The following FAM163A variants were observed in gnomAD, a reference collection of about 807,000 sequenced individuals.
FAM163A encodes family with sequence similarity 163 member A.
A neutral mutation model predicts 12.0 loss-of-function variants in FAM163A; 7 were observed. That is an observed-to-expected ratio of 0.58 (90% CI 0.33 to 1.10). The LOEUF is 1.10. FAM163A is among the 50% of genes least tolerant of loss of function. FAM163A has a pLI of 0.03. For synonymous variants in FAM163A, 101 were observed against 91.0 expected, an observed-to-expected ratio of 1.11 and a Z score of -0.62; for missense variants, 202 against 218.6, an observed-to-expected ratio of 0.92 and a Z score of 0.48.
chr1:179,752,946 T>C (rs1366556395), intron 1 of FAM163A, among the ~76,000 whole-genome samples: 1 of 152,202 alleles, frequency 6.6e-6, no homozygotes, highest in East Asian at 1.9e-4. Context: ...CACTACTGGG[T>C]ATTTATCCAA....
chr1:179,758,591 C>T (rs1686359268), intron 1 of FAM163A, among the ~76,000 whole-genome samples: 1 of 152,228 alleles, frequency 6.6e-6, no homozygotes. Context: ...ACACAAAAAG[C>T]AGCTCCTTTC....
intron 1 of FAM163A, among the ~76,000 whole-genome samples, chr1:179,771,270 A>G (rs1194980408): frequency 6.6e-6 from 1 of 150,434 alleles, no homozygotes; most frequent in Non-Finnish European, 1.5e-5. Context: ...CTCCGCTGGC[A>G]GCCCCACCAG....
chr1:179,763,485 T>A (rs929563936), intron 1 of FAM163A, among the ~76,000 whole-genome samples: 2 of 152,202 alleles, frequency 1.3e-5, no homozygotes, highest in Admixed American at 6.5e-5. Flanking sequence ...AAACTTGTTG[T>A]GAGCAAAGGG....
chr1:179,771,591 A>G (rs1399672447), intron 1 of FAM163A, among the ~76,000 whole-genome samples: 1 of 151,616 alleles, frequency 6.6e-6, no homozygotes, highest in East Asian at 1.9e-4. Flanking sequence ...GCTTCCGTCT[A>G]CACCTGTGCT....
chr1:179,768,059 G>T (rs958474120), intron 1 of FAM163A, among the ~76,000 whole-genome samples: 10 of 152,184 alleles, frequency 6.6e-5, no homozygotes, highest in Non-Finnish European at 1.5e-4. Flanking sequence ...GTATGATTTT[G>T]AGTACTTTAG....
intron 1 of FAM163A, among the ~76,000 whole-genome samples, chr1:179,751,937 T>G (rs1330464008): frequency 6.6e-6 from 1 of 152,154 alleles, no homozygotes; most frequent in Non-Finnish European, 1.5e-5. Flanking sequence ...AACAGCATTT[T>G]TCACAGAAAT....
Position 179,814,247 on chromosome 1 carries a change from G to T in FAM163A, c.*58G>T. 6.5e-7 allele frequency: 1 copy of T among 1,529,472 alleles called. No individual in the cohort carries two copies. The highest frequency in any genetic ancestry group is 1.3e-5 in the South Asian group (1 of 78,068). The allele number at this position is 1,529,472 out of a possible 1,614,324, so 94.7% of individuals were successfully genotyped here. On this transcript the variant is annotated 3_prime_UTR_variant, in exon 5 of 5. Coordinates refer to ENST00000341785, the MANE Select transcript of FAM163A (RefSeq NM_173509.3). ...ACTGCTGCCCTGGCGGGGGCCATGG[G>T]GGTGATGAATGACCCTCCAACAGCC...
rs767508385 is a variant in FAM163A, at chr1:179,814,069, C to T, written c.384C>T (p.Tyr128=). 8 of 1,614,070 alleles carry T rather than the reference C, an allele frequency of 5.0e-6. No individual in the cohort carries two copies. The South Asian group carries it at 7.7e-5, about 16-fold the overall frequency. Residue 128 remains tyrosine, a synonymous_variant, in exon 5 of 5, where the codon TAC becomes TAT. Transcript: ENST00000341785. ...GGERLSFAPT[Y]YKEGGPPSLK... is the part of the protein sequence containing the mutation. ...AGAGGCTCTCCTTTGCTCCCACATA[C>T]TACAAAGAGGGGGGACCCCCATCCC...
At chr1:179,733,455 C>T in the FAM163A span, among the ~76,000 whole-genome samples, 1 of 151,878 alleles carries the variant, frequency 6.6e-6, no homozygotes, top group Admixed American at 6.6e-5. Flanking sequence ...ATTAGGGAGA[C>T]CAGGAAAGGG....
intron 1 of FAM163A, among the ~76,000 whole-genome samples, chr1:179,769,583 A>G (rs570429524): frequency 1.3e-5 from 2 of 152,356 alleles, no homozygotes; most frequent in South Asian, 4.1e-4. Context: ...GCTCTGGAAA[A>G]TAAAGTAACA....
At chr1:179,762,074 C>T (rs1686894684) in intron 1 of FAM163A, among the ~76,000 whole-genome samples, 1 of 152,086 alleles carries the variant, frequency 6.6e-6, no homozygotes, top group Non-Finnish European at 1.5e-5. Context: ...TGGAAAATGT[C>T]CCATTGATTT....
chr1:179,793,971 G>C (rs1026978141), intron 1 of FAM163A, among the ~76,000 whole-genome samples: 1 of 152,154 alleles, frequency 6.6e-6, no homozygotes, highest in African/African-American at 2.4e-5. Context: ...AAGAGGGCCT[G>C]GTCCTTGAAA....
chr1:179,757,808 T>TCAAAACAAAA lies in FAM163A; in HGVS notation c.-136+14397_-136+14406dup, dbSNP rs143378792. 5.3e-5 allele frequency among the ~76,000 whole-genome samples: 8 copies of TCAAAACAAAA among 151,414 alleles called. No individual in the cohort carries two copies. The South Asian group carries it at 6.3e-4, about 12-fold the overall frequency. On this transcript the variant is annotated intron_variant, in intron 1 of 4. Coordinates refer to ENST00000341785, the MANE Select transcript of FAM163A (RefSeq NM_173509.3). ...GCCTGAGCGACAAAGCGAGACTGTC[T>TCAAAACAAAA]CAAAACAAAACAAAACAAAACGAAA...
intron 1 of FAM163A, among the ~76,000 whole-genome samples, chr1:179,750,044 A>G (rs918429940): frequency 3.9e-5 from 6 of 152,224 alleles, no homozygotes; most frequent in Non-Finnish European, 7.3e-5. Context: ...CCCTCAATCC[A>G]GCTGGTAGAA....
chr1:179,812,182 C>T (rs904333958), intron 3 of FAM163A, 51 bp downstream of exon 3: 87 of 152,788 alleles, frequency 5.7e-4, no homozygotes, highest in Non-Finnish European at 5.9e-5. Flanking sequence ...CTTCCCATTC[C>T]CCACCCTCCT....
At chr1:179,800,429 C>A (rs1692993884) in intron 1 of FAM163A, among the ~76,000 whole-genome samples, 1 of 152,226 alleles carries the variant, frequency 6.6e-6, no homozygotes, top group Non-Finnish European at 1.5e-5. Context: ...TTATCTGCAG[C>A]AAATATTTAT....
At chr1:179,794,549 A>C (rs997469172) in intron 1 of FAM163A, among the ~76,000 whole-genome samples, 1 of 152,226 alleles carries the variant, frequency 6.6e-6, no homozygotes, top group African/African-American at 2.4e-5. Flanking sequence ...TGACAATAAC[A>C]TGAAACTAGG....
intron 1 of FAM163A, among the ~76,000 whole-genome samples, chr1:179,792,980 C>T (rs1391195663): frequency 6.6e-6 from 1 of 150,936 alleles, no homozygotes; most frequent in Non-Finnish European, 1.5e-5. Context: ...AAGAAAGTAG[C>T]ATCTGAGAGG....
chr1:179,812,234 A>C (rs1439529473), intron 3 of FAM163A, 103 bp downstream of exon 3: 2 of 152,464 alleles, frequency 1.3e-5, no homozygotes, highest in East Asian at 3.9e-4. Context: ...AGAAATCCCC[A>C]TTCACTGACC....
Sources: allele counts gnomAD v4.1 joint callset (sites outside exome capture counted in the v4.1 genomes callset), GRCh38; gene constraint gnomAD v4.1.1; transcripts MANE v1.5; gene names NCBI Gene and HGNC (gene_info 2026-07-23, HGNC 2026-07-21).